Variants in OPRM1 observed in about 807,000 individuals in gnomAD.
The protein encoded by OPRM1 is opioid receptor mu 1.
Under a neutral mutation model 31.8 loss-of-function variants are expected in OPRM1, and 27 were observed. The observed-to-expected ratio is 0.85, with a 90% confidence interval of 0.63 to 1.17. The LOEUF is 1.17. Among genes scored for constraint, OPRM1 ranks in the 50% most tolerant of loss-of-function variants. The probability of loss-of-function intolerance (pLI) is 0.00; values close to 1 mark genes in which losing one functional copy is unlikely to be tolerated. For synonymous variants in OPRM1, 196 were observed against 189.9 expected, an observed-to-expected ratio of 1.03 and a Z score of -0.26; for missense variants, 536 against 511.1, an observed-to-expected ratio of 1.05 and a Z score of -0.47.
chr6:154,140,419 CT>C (rs1310533153), intron 3 of OPRM1, among the ~76,000 whole-genome samples: 1 of 151,888 alleles, frequency 6.6e-6, no homozygotes, highest in African/African-American at 2.4e-5. Context: ...CAACCTCCAT[CT>C]CCCAGGTTCA....
intron 3 of OPRM1, among the ~76,000 whole-genome samples, chr6:154,118,060 A>G (rs1446260785): frequency 6.6e-6 from 1 of 152,192 alleles, no homozygotes; most frequent in Admixed American, 6.5e-5. Context: ...TTATTTGTTA[A>G]TTACAAAACT....
chr6:154,214,600 C>A (rs1192698785), intron 3 of OPRM1, among the ~76,000 whole-genome samples: 1 of 152,096 alleles, frequency 6.6e-6, no homozygotes, highest in African/African-American at 2.4e-5. Flanking sequence ...ACCATCAAAT[C>A]CTTTATCACT....
chr6:154,205,109 C>T (rs1246412630), intron 3 of OPRM1, among the ~76,000 whole-genome samples: 1 of 152,170 alleles, frequency 6.6e-6, no homozygotes, highest in Admixed American at 6.5e-5. Context: ...CCTCTCCACT[C>T]CCAACCCCTG....
intron 3 of OPRM1, chr6:154,218,906 A>T (rs1778625243): frequency 6.6e-6 from 1 of 152,214 alleles, no homozygotes; most frequent in Admixed American, 6.5e-5. Context: ...AACCCCCAAA[A>T]GAATTTCAAG....
chr6:154,024,185 C>T (rs369989262), intron 1 of OPRM1, among the ~76,000 whole-genome samples: 12 of 151,860 alleles, frequency 7.9e-5, no homozygotes, highest in South Asian at 2.1e-4. Context: ...TTTTCTTTAC[C>T]GGGAGAACTT....
At chr6:154,022,290 C>T (rs942857755) in intron 1 of OPRM1, among the ~76,000 whole-genome samples, 6 of 151,902 alleles carry the variant, frequency 3.9e-5, no homozygotes, top group Non-Finnish European at 8.8e-5. Context: ...CTGCCACAGC[C>T]CAAGTGTATA....
intron 3 of OPRM1, among the ~76,000 whole-genome samples, chr6:154,100,033 T>TGATTGATATA (rs1302914209): frequency 1.3e-5 from 1 of 78,284 alleles, no homozygotes; most frequent in Non-Finnish European, 2.7e-5. Flanking sequence ...ATATTATATA[T>TGATTGATATA]TATCATATGA....
intron 3 of OPRM1, among the ~76,000 whole-genome samples, chr6:154,244,170 A>G (rs1780827291): frequency 6.6e-6 from 1 of 152,176 alleles, no homozygotes; most frequent in Admixed American, 6.6e-5. Context: ...TTGACAGGAC[A>G]TGCTTGGGTC....
Position 154,221,462 on chromosome 6 carries a change from T to A in OPRM1, c.1165-25231T>A. On this transcript the variant is annotated intron_variant, in intron 3 of 3. Coordinates refer to the OPRM1 transcript ENST00000337049. ...TGTAAATTTACAAAAAATAATTTAG[T>A]AATATTAGATACCTATTGTCTAGTC... is the stretch of plus-strand genomic sequence containing the variant. 4.4e-6 allele frequency: 3 copies of A among 681,566 alleles called. No individual in the cohort carries two copies. The South Asian group carries it at 5.7e-5, about 13-fold the overall frequency. 42.2% of individuals were successfully genotyped at this position (681,566 alleles called of 1,614,324 possible).
At chr6:154,108,085 T>C (rs375418240) in intron 3 of OPRM1, 1 of 638,152 alleles carries the variant, frequency 1.6e-6, no homozygotes, top group Non-Finnish European at 2.9e-6. Flanking sequence ...GGCTTCTGGG[T>C]TCCCTTTCCC....
intron 3 of OPRM1, among the ~76,000 whole-genome samples, chr6:154,112,932 TC>T: frequency 6.6e-6 from 1 of 152,278 alleles, no homozygotes; most frequent in South Asian, 2.1e-4. Context: ...CACTCCAGGA[TC>T]CCCGACCCAA....
At position 154,143,267 on chromosome 6, in the gene OPRM1, A is replaced by G. The variant is rs181560294; in HGVS notation, c.1164+51795A>G. On this transcript the variant is annotated intron_variant, in intron 3 of 3. Transcript: ENST00000337049. ...TGAGTTCACTCCTCTGTCCCATTGT[A>G]TCTAAGACTGGCATACCTAGTCCTT... Among the ~76,000 whole-genome samples the G allele has an allele frequency of 8.8e-4, 134 of 152,244 alleles. 2 individuals carry two copies. The East Asian group carries it at 0.019, about 22-fold the overall frequency.
chr6:154,191,494 T>C (rs1801879839), intron 3 of OPRM1, among the ~76,000 whole-genome samples: 1 of 152,052 alleles, frequency 6.6e-6, no homozygotes, highest in Admixed American at 6.5e-5. Flanking sequence ...GACAACATAG[T>C]GAAACCCTGT....
chr6:154,019,747 C>CTTTTCTTTTTTTTT (rs61209522), intron 1 of OPRM1, among the ~76,000 whole-genome samples: 196 of 121,964 alleles, frequency 1.6e-3, no homozygotes, highest in African/African-American at 5.9e-3. Flanking sequence ...CTTTTCTTTT[C>CTTTTCTTTTTTTTT]TTTTTTTTTT....
intron 1 of OPRM1, among the ~76,000 whole-genome samples, chr6:154,068,297 A>G (rs942314717): frequency 1.3e-5 from 2 of 152,210 alleles, no homozygotes; most frequent in African/African-American, 2.4e-5. Context: ...ACCATGTTGT[A>G]CAATAGATCT....
chr6:154,114,992 T>G (rs1358763447), intron 3 of OPRM1, among the ~76,000 whole-genome samples: 1 of 152,168 alleles, frequency 6.6e-6, no homozygotes, highest in Non-Finnish European at 1.5e-5. Flanking sequence ...ATCTCTCTTG[T>G]ACATCATGAA....
intron 3 of OPRM1, among the ~76,000 whole-genome samples, chr6:154,162,365 C>T (rs1799095410): frequency 6.6e-6 from 1 of 152,224 alleles, no homozygotes; most frequent in African/African-American, 2.4e-5. Context: ...GCCCATTCTG[C>T]ATAGATTCAG....
In OPRM1 at chr6:154,053,992, C is replaced by T. The variant is rs1782695236; in HGVS notation, c.290+14158C>T. Among the ~76,000 whole-genome samples, 4 of 152,202 alleles carry T rather than the reference C, an allele frequency of 2.6e-5. No individual in the cohort carries two copies. In the South Asian group the frequency reaches 8.3e-4, roughly 32 times the overall value. ...ATCAGAGCCATTATATAAATCCCCA[C>T]AATATGCTTAGACATGTAGAAGAAG... On this transcript the variant is annotated intron_variant, in intron 1 of 3. Transcript: ENST00000330432.
At position 154,015,751 on chromosome 6, in the gene OPRM1, C is replaced by T. The variant is rs530937068; in HGVS notation, c.-1+4733C>T. 1.6e-4 allele frequency among the ~76,000 whole-genome samples: 25 copies of T among 151,810 alleles called. 1 individual carries two copies. Among genetic ancestry groups the T allele is most frequent in the Admixed American group, 1.2e-3 (19 of 15,236 alleles). ...AAAAAAATAGCTAAGTGCTATATCT[C>T]TAATATATAAAGATCTTCTAAAATA... is the stretch of plus-strand genomic sequence containing the variant. On this transcript the variant is annotated intron_variant, in intron 1 of 5. Transcript: ENST00000434900.
Sources: allele counts gnomAD v4.1 joint callset (sites outside exome capture counted in the v4.1 genomes callset), GRCh38; gene constraint gnomAD v4.1.1; transcripts MANE v1.5; gene names NCBI Gene and HGNC (gene_info 2026-07-23, HGNC 2026-07-21).